The following GPR158 variants were observed in gnomAD, a reference collection of about 807,000 sequenced individuals.
GPR158 encodes metabotropic glycine receptor.
A neutral mutation model predicts 78.2 loss-of-function variants in GPR158; 30 were observed. The ratio of observed to expected loss-of-function variants is 0.38; its 90% CI spans 0.29 to 0.52. GPR158 has a LOEUF of 0.52. GPR158 is among the 20% of genes least tolerant of loss of function. The pLI is 0.83. For synonymous variants in GPR158, 581 were observed against 591.1 expected (o/e 0.98, Z 0.25); for missense variants, 1,463 against 1,523.5 (o/e 0.96, Z 0.66).
Position 25,395,929 on chromosome 10 carries a change from C to A in GPR158, c.1027C>A (p.Leu343Ile), listed in dbSNP as rs376414773. 4 of 1,594,030 alleles carry A rather than the reference C, an allele frequency of 2.5e-6. No individual in the cohort carries two copies. The highest frequency in any genetic ancestry group is 3.3e-5 in the Admixed American group (2 of 59,924). The change falls in exon 3 of 11, where the codon CTA becomes ATA. Residue 343 changes from leucine (L) to isoleucine (I), a missense_variant. Transcript: ENST00000376351. ...NNSECMPIKG[L>I]GFVLGAYECI... ...TTCATAGTGTATGCCAATTAAAGGCCTAGGATTCGTTCTTGGAGCCTATGA... is the reference window on the plus strand; with the variant it reads ...TTCATAGTGTATGCCAATTAAAGGCATAGGATTCGTTCTTGGAGCCTATGA...
intron 2 of GPR158, among the ~76,000 whole-genome samples, chr10:25,376,649 A>G (rs887330955): frequency 6.6e-6 from 1 of 151,674 alleles, no homozygotes; most frequent in Non-Finnish European, 1.5e-5. Context: ...TGCCTAATAA[A>G]CACTTCTTAG....
intron 2 of GPR158, among the ~76,000 whole-genome samples, chr10:25,293,414 T>C (rs1854467852): frequency 5.3e-5 from 8 of 152,188 alleles, no homozygotes; most frequent in Admixed American, 5.2e-4. Context: ...CACAATAAGG[T>C]GAATCCTTGT....
chr10:25,473,356 C>T (rs1423104333), intron 5 of GPR158, among the ~76,000 whole-genome samples: 11 of 152,068 alleles, frequency 7.2e-5, no homozygotes, highest in Non-Finnish European at 1.2e-4. Context: ...ATTCGGTTCG[C>T]CAGTATTTTA....
intron 2 of GPR158, among the ~76,000 whole-genome samples, chr10:25,301,555 A>G (rs902499724): frequency 1.3e-5 from 2 of 152,104 alleles, no homozygotes; most frequent in African/African-American, 2.4e-5. Context: ...GCCTAGATAA[A>G]TTATATTGTG....
chr10:25,366,652 A>G (rs929244498), intron 2 of GPR158, among the ~76,000 whole-genome samples: 16 of 151,686 alleles, frequency 1.1e-4, no homozygotes, highest in Non-Finnish European at 1.9e-4. Flanking sequence ...CATGTAGTAC[A>G]ATGGATCTCC....
chr10:25,371,068 A>C (rs1471636217), intron 2 of GPR158, among the ~76,000 whole-genome samples: 1 of 148,242 alleles, frequency 6.7e-6, no homozygotes, highest in African/African-American at 2.5e-5. Context: ...GTGTCTCTGC[A>C]TGTGAGATGG....
intron 2 of GPR158, among the ~76,000 whole-genome samples, chr10:25,227,930 A>G (rs1334379243): frequency 6.6e-6 from 1 of 152,192 alleles, no homozygotes; most frequent in African/African-American, 2.4e-5. Flanking sequence ...ATTGTGCTCA[A>G]TGTTGGTGAG....
At chr10:25,532,830 A>G (rs995709330) in intron 5 of GPR158, among the ~76,000 whole-genome samples, 6 of 151,980 alleles carry the variant, frequency 3.9e-5, no homozygotes, top group African/African-American at 1.4e-4. Context: ...CTATTCAGAG[A>G]TAGTCTTCAT....
At chr10:25,317,737 T>C (rs1482959972) in intron 2 of GPR158, among the ~76,000 whole-genome samples, 1 of 145,644 alleles carries the variant, frequency 6.9e-6, no homozygotes, top group African/African-American at 2.8e-5. Context: ...TTTTGTTTTG[T>C]TTTGTTTTTG....
rs74962027 is a variant in GPR158 at position 25,599,563 on chromosome 10, T to C, written c.*289T>C. The C allele has an allele frequency of 6.1e-3, 2,011 of 331,282 alleles. 103 individuals carry two copies. The East Asian group carries it at 0.1, about 17-fold the overall frequency. 20.5% of individuals were successfully genotyped at this position (331,282 alleles called of 1,614,324 possible). ...CCCACAATGTCTGCCCTGATCAATA[T>C]GTATCCATGGGACTTTGAAGATCCT... On this transcript the variant is annotated 3_prime_UTR_variant, in exon 11 of 11. Coordinates refer to ENST00000376351, the MANE Select transcript of GPR158 (RefSeq NM_020752.3).
chr10:25,574,762 A>G (rs1415535574), intron 7 of GPR158, among the ~76,000 whole-genome samples: 1 of 152,092 alleles, frequency 6.6e-6, no homozygotes, highest in Non-Finnish European at 1.5e-5. Context: ...GTACACTCCT[A>G]TAATCCCAGC....
chr10:25,194,054 C>G (rs557673971), intron 1 of GPR158, among the ~76,000 whole-genome samples: 1 of 152,328 alleles, frequency 6.6e-6, no homozygotes, highest in South Asian at 2.1e-4. Flanking sequence ...CATTTCTTTT[C>G]CTCACGAGCC....
At chr10:25,469,028 C>A (rs749899001) in intron 5 of GPR158, among the ~76,000 whole-genome samples, 8 of 152,268 alleles carry the variant, frequency 5.3e-5, no homozygotes, top group African/African-American at 1.7e-4. Flanking sequence ...AGGAAAGGTA[C>A]GGCTGCCGGG....
chr10:25,221,796 T>C (rs1853303316), intron 2 of GPR158, among the ~76,000 whole-genome samples: 1 of 152,184 alleles, frequency 6.6e-6, no homozygotes, highest in Non-Finnish European at 1.5e-5. Flanking sequence ...TACTAGTGAT[T>C]TCATTTTTAG....
intron 2 of GPR158, among the ~76,000 whole-genome samples, chr10:25,292,705 A>G (rs1197419234): frequency 2.6e-5 from 4 of 152,128 alleles, no homozygotes; most frequent in African/African-American, 4.8e-5. Flanking sequence ...AGTTGAGCCA[A>G]ATTTCATGCA....
At chr10:25,384,439 T>A (rs867970384) in intron 2 of GPR158, among the ~76,000 whole-genome samples, 1 of 152,186 alleles carries the variant, frequency 6.6e-6, no homozygotes, top group African/African-American at 2.4e-5. Flanking sequence ...AAGAAGATGT[T>A]AAATTCTGTT....
intron 5 of GPR158, among the ~76,000 whole-genome samples, chr10:25,495,579 A>C (rs1835870085): frequency 6.6e-6 from 1 of 151,956 alleles, no homozygotes; most frequent in South Asian, 2.1e-4. Context: ...GGTGTGAGCC[A>C]CTGTGCCCAG....
At chr10:25,429,080 T>C (rs1176539788) in intron 4 of GPR158, among the ~76,000 whole-genome samples, 4 of 152,054 alleles carry the variant, frequency 2.6e-5, no homozygotes, top group African/African-American at 9.7e-5. Flanking sequence ...TCAGGGTTTC[T>C]ACAGAGGATG....
chr10:25,419,666 T>G (rs1233165982), intron 4 of GPR158, among the ~76,000 whole-genome samples: 1 of 152,170 alleles, frequency 6.6e-6, no homozygotes, highest in Admixed American at 6.5e-5. Flanking sequence ...GTTGTTTTGT[T>G]GTTGTTGTTG....
Sources: allele counts gnomAD v4.1 joint callset (sites outside exome capture counted in the v4.1 genomes callset), GRCh38; gene constraint gnomAD v4.1.1; transcripts MANE v1.5; gene names NCBI Gene and HGNC (gene_info 2026-07-23, HGNC 2026-07-21).